FRMD4A: variants seen among roughly 807,000 people sequenced by gnomAD.
The protein encoded by FRMD4A is FERM domain containing 4A.
In FRMD4A, 29 loss-of-function variants were observed where a neutral mutation model predicts 129.1. The ratio of observed to expected loss-of-function variants is 0.22; its 90% CI spans 0.17 to 0.31. The LOEUF (loss-of-function observed/expected upper bound fraction) is 0.31, where lower values mean the gene tolerates loss of function less well. Ranked by LOEUF, FRMD4A falls within the 10% of genes least tolerant of loss-of-function variation. FRMD4A has a pLI of 1.00. For missense variants in FRMD4A, 1,272 were observed against 1,375.8 expected, an observed-to-expected ratio of 0.92 and a Z score of 1.19; for synonymous variants, 634 against 571.6, an observed-to-expected ratio of 1.11 and a Z score of -1.56.
At chr10:13,776,858 C>G (rs991682480) in intron 6 of FRMD4A, among the ~76,000 whole-genome samples, 1 of 152,184 alleles carries the variant, frequency 6.6e-6, no homozygotes, top group Non-Finnish European at 1.5e-5. Context: ...TTCAAGGTCC[C>G]CAAAGCACCA....
intron 2 of FRMD4A, among the ~76,000 whole-genome samples, chr10:13,977,789 T>A (rs2095547155): frequency 6.6e-6 from 1 of 152,236 alleles, no homozygotes; most frequent in South Asian, 2.1e-4. Context: ...TAGCGTAATG[T>A]TTTCAAGATT....
rs67479789 is a variant in FRMD4A at position 13,856,013 on chromosome 10, ACTATCTATCTATCTAT to A, written c.111+2818_111+2833del. Among the ~76,000 whole-genome samples, 1,220 of 147,942 alleles carry A rather than the reference ACTATCTATCTATCTAT, an allele frequency of 8.2e-3. 6 individuals are homozygous for A. Among genetic ancestry groups the A allele is most frequent in the South Asian group, 8.2e-3 (38 of 4,616 alleles). ...TGTATTTAGCTTACCACACACAAAT[ACTATCTATCTATCTAT>A]CTATCTATCTATCTATCTATCTATC... On this transcript the variant is annotated intron_variant, in intron 3 of 24. Transcript: ENST00000357447.
rs1211774411 is a variant in FRMD4A at position 14,215,107 on chromosome 10, G to A, written c.45+114951C>T. 4.6e-5 allele frequency among the ~76,000 whole-genome samples: 7 copies of A among 152,308 alleles called. No individual in the cohort carries two copies. The East Asian group carries it at 5.8e-4, about 13-fold the overall frequency. On this transcript the variant is annotated intron_variant, in intron 2 of 24. Transcript: ENST00000357447. ...TATTGACATGGCATGAGAGTAGCCAGTTAAGTTGGGAAAAGGTAGATACCA... is the reference window on the plus strand; with the variant it reads ...TATTGACATGGCATGAGAGTAGCCAATTAAGTTGGGAAAAGGTAGATACCA...
At chr10:14,118,053 C>T (rs917538206) in intron 2 of FRMD4A, among the ~76,000 whole-genome samples, 3 of 152,110 alleles carry the variant, frequency 2.0e-5, no homozygotes, top group African/African-American at 7.2e-5. Context: ...GCCAAAATTA[C>T]CCAAGCAGTC....
chr10:14,193,785 T>TC (rs1842392507), intron 2 of FRMD4A, among the ~76,000 whole-genome samples: 1 of 152,102 alleles, frequency 6.6e-6, no homozygotes, highest in African/African-American at 2.4e-5. Flanking sequence ...CAGGCTCCTC[T>TC]CGCTAAGACA....
rs1481618350 is a variant in FRMD4A at position 13,958,113 on chromosome 10, C to G, written c.46-99201G>C. Among the ~76,000 whole-genome samples the G allele has an allele frequency of 4.6e-5, 7 of 152,040 alleles. No individual in the cohort carries two copies. The South Asian group carries it at 1.2e-3, about 27-fold the overall frequency. On this transcript the variant is annotated intron_variant, in intron 2 of 24. Coordinates refer to ENST00000357447, the MANE Select transcript of FRMD4A (RefSeq NM_018027.5). ...GCAGTACATTGCTAGTTATCTCTTT[C>G]CTACTTAGGCGAGTGATTTACCTAG... is the stretch of plus-strand genomic sequence containing the variant.
chr10:13,812,922 C>A (rs112838568), intron 3 of FRMD4A, among the ~76,000 whole-genome samples: 1 of 152,232 alleles, frequency 6.6e-6, no homozygotes, highest in Non-Finnish European at 1.5e-5. Context: ...CCTGGTGGAA[C>A]GTCTACTCTG....
chr10:14,135,527 T>C (rs142601473), intron 2 of FRMD4A, among the ~76,000 whole-genome samples: 1 of 152,214 alleles, frequency 6.6e-6, no homozygotes, highest in African/African-American at 2.4e-5. Context: ...GCTGCCTGAT[T>C]CACAAATTAT....
At chr10:13,792,445 C>T (rs1244796430) in intron 5 of FRMD4A, among the ~76,000 whole-genome samples, 1 of 152,100 alleles carries the variant, frequency 6.6e-6, no homozygotes, top group African/African-American at 2.4e-5. Context: ...TGGAGACAGA[C>T]AGCATGCAGT....
intron 2 of FRMD4A, among the ~76,000 whole-genome samples, chr10:13,912,967 G>A (rs1004879824): frequency 1.3e-5 from 2 of 151,680 alleles, no homozygotes; most frequent in South Asian, 2.1e-4. Flanking sequence ...TAGCTACTCC[G>A]GAGGTTGAGG....
At chr10:13,941,801 C>T (rs765401918) in intron 2 of FRMD4A, among the ~76,000 whole-genome samples, 27 of 152,298 alleles carry the variant, frequency 1.8e-4, no homozygotes, top group Non-Finnish European at 3.2e-4. Context: ...ACATGGATCT[C>T]TGAATTTTGC....
chr10:14,323,711 C>T (rs1843154290), intron 2 of FRMD4A, among the ~76,000 whole-genome samples: 2 of 152,210 alleles, frequency 1.3e-5, no homozygotes, highest in Admixed American at 1.3e-4. Flanking sequence ...CAGTTGATTA[C>T]TTCCTTCCTT....
intron 2 of FRMD4A, among the ~76,000 whole-genome samples, chr10:14,072,658 C>A (rs1835370706): frequency 1.3e-5 from 2 of 152,056 alleles, no homozygotes; most frequent in Admixed American, 1.3e-4. Context: ...CCACAAAGGA[C>A]CATTTATCAG....
At chr10:13,923,578 C>A (rs902355179) in intron 2 of FRMD4A, among the ~76,000 whole-genome samples, 1 of 152,196 alleles carries the variant, frequency 6.6e-6, no homozygotes, top group African/African-American at 2.4e-5. Context: ...TGGCCCAAAC[C>A]TATGTTTACC....
chr10:14,098,410 CT>C (rs999439518), intron 2 of FRMD4A, among the ~76,000 whole-genome samples: 62 of 145,180 alleles, frequency 4.3e-4, no homozygotes, highest in Admixed American at 5.5e-4. Flanking sequence ...TCTTTCTTTT[CT>C]TTTTTTTTTT....
At chr10:14,249,350 T>TCAAAAAAAAAAAAA (rs1564416620) in intron 2 of FRMD4A, among the ~76,000 whole-genome samples, 1,826 of 120,938 alleles carry the variant, frequency 0.015, 83 homozygotes, top group African/African-American at 0.048. Flanking sequence ...AGAATCTGTC[T>TCAAAAAAAAAAAAA]TAAAAAAAAA....
chr10:14,019,489 A>C (rs2131643950), intron 2 of FRMD4A, among the ~76,000 whole-genome samples: 1 of 152,336 alleles, frequency 6.6e-6, no homozygotes, highest in African/African-American at 2.4e-5. Flanking sequence ...TGTGATGCCA[A>C]TATATTCAGT....
chr10:13,795,119 A>T (rs1345325716), intron 5 of FRMD4A, among the ~76,000 whole-genome samples: 1 of 152,176 alleles, frequency 6.6e-6, no homozygotes, highest in African/African-American at 2.4e-5. Flanking sequence ...GGAGAGCCTG[A>T]TATATGGTAA....
At chr10:14,143,805 G>T (rs74960095) in intron 2 of FRMD4A, among the ~76,000 whole-genome samples, 1,973 of 152,082 alleles carry the variant, frequency 0.013, 58 homozygotes, top group African/African-American at 0.046. Flanking sequence ...GTAGAGATGG[G>T]GTTTCGTTGA....
Sources: allele counts gnomAD v4.1 joint callset (sites outside exome capture counted in the v4.1 genomes callset), GRCh38; gene constraint gnomAD v4.1.1; transcripts MANE v1.5; gene names NCBI Gene and HGNC (gene_info 2026-07-23, HGNC 2026-07-21).